Variants in TNFRSF13C observed in about 807,000 individuals in gnomAD.
TNFRSF13C encodes TNF receptor superfamily member 13C.
Under a neutral mutation model 12.1 loss-of-function variants are expected in TNFRSF13C, and 7 were observed. The ratio of observed to expected loss-of-function variants is 0.58; its 90% CI spans 0.33 to 1.08. TNFRSF13C has a LOEUF of 1.08. TNFRSF13C is among the 50% of genes least tolerant of loss of function. The pLI is 0.04. For missense variants in TNFRSF13C, 260 were observed against 265.9 expected (o/e 0.98, Z 0.15); for synonymous variants, 157 against 130.8 (o/e 1.20, Z -1.37).
rs2077627422 is a variant in TNFRSF13C, at chr22:41,926,023, T to C, written c.367+78A>G. 1.3e-6 allele frequency: 2 copies of C among 1,564,888 alleles called. No individual in the cohort carries two copies. The highest frequency in any genetic ancestry group is 1.7e-5 in the Admixed American group (1 of 58,310). On this transcript the variant is annotated intron_variant, in intron 2 of 2. Transcript: ENST00000291232. This position sits in a 1 kb window ranked among gnomAD's most constrained non-coding sequence, Gnocchi z 4.9. ...GCCCTTCTCTCCCCCTCAGGGGCCA[T>C]GCATCTCCCCCTAGACCGTCCCGAC...
chr22:41,923,505 C>G lies in TNFRSF13C; in HGVS notation c.*1862G>C, dbSNP rs541487427. 6.5e-6 allele frequency: 1 copy of G among 152,774 alleles called. No individual in the cohort carries two copies. The highest frequency in any genetic ancestry group is 1.5e-5 in the Non-Finnish European group (1 of 68,278). The allele number at this position is 152,774 out of a possible 1,614,324, so 9.5% of individuals were successfully genotyped here. ...GAGGAGGGAGCAGCTTCCACTGTGA[C>G]GGTGGGTGACCAGGGGGCTGGCACA... On this transcript the variant is annotated 3_prime_UTR_variant, in exon 3 of 3. Coordinates refer to ENST00000291232, the MANE Select transcript of TNFRSF13C (RefSeq NM_052945.4).
Position 41,925,254 on chromosome 22 carries a change from C to A in TNFRSF13C, c.*113G>T. The A allele has an allele frequency of 8.5e-7, 1 of 1,172,676 alleles. No homozygotes were observed. The highest frequency in any genetic ancestry group is 1.2e-6 in the Non-Finnish European group (1 of 849,154). 72.6% of individuals were successfully genotyped at this position (1,172,676 alleles called of 1,614,324 possible). On this transcript the variant is annotated 3_prime_UTR_variant, in exon 3 of 3. Transcript: ENST00000291232. ...GTGTCTGTGCTTCTGCAGAGTTAGC[C>A]TGGTCCCAGAAAGAGGGCATGTGCA...
Position 41,926,181 on chromosome 22 carries a change from ACCAGGACCAGCG to A in TNFRSF13C, c.275_286del (p.Ala92_Leu95del), listed in dbSNP as rs770676417. ...TCGCCGCCTCCAGCTCACCAGACCC[ACCAGGACCAGCG>A]CCAGGACCAGTGCCAGGCCCAGCAG... On this transcript the variant is annotated inframe_deletion, in exon 2 of 3. Coordinates refer to ENST00000291232, the MANE Select transcript of TNFRSF13C (RefSeq NM_052945.4). This position sits in a 1 kb window ranked among gnomAD's most constrained non-coding sequence, Gnocchi z 4.9. 54 of 1,610,100 alleles carry A rather than the reference ACCAGGACCAGCG, an allele frequency of 3.4e-5. No homozygotes were observed. The highest frequency in any genetic ancestry group is 4.5e-5 in the Non-Finnish European group (53 of 1,179,522).
At position 41,922,204 on chromosome 22, in the gene TNFRSF13C, C is replaced by T. The variant is rs2077609790; in HGVS notation, c.*3163G>A. The stretch of plus-strand genomic sequence containing the variant: ...TGGACACGGGTCATTTCTTCCCTGA[C>T]TACATCATGGATTCCGGTCCAGAAC... On this transcript the variant is annotated 3_prime_UTR_variant, in exon 3 of 3. Coordinates refer to ENST00000291232, the MANE Select transcript of TNFRSF13C (RefSeq NM_052945.4). 6.6e-6 allele frequency: 1 copy of T among 152,214 alleles called. No homozygotes were observed. Among genetic ancestry groups the T allele is most frequent in the African/African-American group, 2.4e-5 (1 of 41,442 alleles). The allele number at this position is 152,214 out of a possible 1,614,324, so 9.4% of individuals were successfully genotyped here.
rs2077609356 is a variant in TNFRSF13C at position 41,922,057 on chromosome 22, G to A, written c.*3310C>T. ...TTACCATGTTGAAAACTTTATTGTGGAGTCTCTAAAGAGAGAGAAACTTAC... is the reference window on the plus strand; with the variant it reads ...TTACCATGTTGAAAACTTTATTGTGAAGTCTCTAAAGAGAGAGAAACTTAC... On this transcript the variant is annotated 3_prime_UTR_variant, in exon 3 of 3. Transcript: ENST00000291232. 1 of 152,202 alleles carries A rather than the reference G, an allele frequency of 6.6e-6. No individual in the cohort carries two copies. The highest frequency in any genetic ancestry group is 2.4e-5 in the African/African-American group (1 of 41,436). The allele number at this position is 152,202 out of a possible 1,614,324, so 9.4% of individuals were successfully genotyped here. A position where few individuals can be genotyped will look rare whatever the true frequency, so the allele number is the denominator to read the frequency against.
Position 41,926,244 on chromosome 22 carries a change from G to T in TNFRSF13C, c.224C>A (p.Pro75His), listed in dbSNP as rs766314604. The T allele has an allele frequency of 5.2e-6, 8 of 1,548,416 alleles. No individual in the cohort carries two copies. The East Asian group carries it at 1.9e-4, about 37-fold the overall frequency. The change falls in exon 2 of 3, where the codon CCC becomes CAC. Residue 75 changes from proline (P) to histidine (H), a missense_variant. Transcript: ENST00000291232. The surrounding 1 kb of genome is among the most constrained non-coding windows in gnomAD (Gnocchi z 4.9). ...AGAGEAALPL[P>H]GLLFGAPALL... ...CGCGGGGGCGCCAAAGAGCAGCCCG[G>T]GCAGGGGCAGCGCCGCCTCGCCGGC...
chr22:41,925,584 C>G lies in TNFRSF13C; in HGVS notation c.368-30G>C, dbSNP rs369853653. On this transcript the variant is annotated intron_variant, in intron 2 of 2. Transcript: ENST00000291232. Reference sequence around the variant, plus strand: ...AGGCAGAGGGGGTAGAGGCTCCGTACTCAGTCACAGCCTTCCCTCCCTCCC... The same window carrying G: ...AGGCAGAGGGGGTAGAGGCTCCGTAGTCAGTCACAGCCTTCCCTCCCTCCC... 3.1e-6 allele frequency: 5 copies of G among 1,608,844 alleles called. No homozygotes were observed. The African/African-American group carries it at 6.7e-5, about 21-fold the overall frequency.
chr22:41,925,514 T>A lies in TNFRSF13C; in HGVS notation c.408A>T (p.Gly136=). The part of the protein sequence containing the change: ...PLDKVIILSP[G]ISDATAPAWP... The stretch of plus-strand genomic sequence containing the variant: ...AGGCAGGAGCTGTGGCATCAGAGAT[T>A]CCCGGAGACAGAATGATGACCTTGT... The change falls in exon 3 of 3, where the codon GGA becomes GGT. Residue 136 remains glycine (G), a synonymous_variant. Transcript: ENST00000291232. The A allele has an allele frequency of 6.2e-7, 1 of 1,613,368 alleles. No homozygotes were observed. The highest frequency in any genetic ancestry group is 8.5e-7 in the Non-Finnish European group (1 of 1,179,976).
rs779601121 is a variant in TNFRSF13C at position 41,924,429 on chromosome 22, A to C, written c.*938T>G. 1.3e-5 allele frequency: 2 copies of C among 150,478 alleles called. No individual in the cohort carries two copies. Among genetic ancestry groups the C allele is most frequent in the African/African-American group, 2.5e-5 (1 of 40,816 alleles). 9.3% of individuals were successfully genotyped at this position (150,478 alleles called of 1,614,324 possible). ...TGTGAACCCAGGAGGCGGAGCTTGA[A>C]GTGAGCCGAAATTGCGTCACTGCAC... On this transcript the variant is annotated 3_prime_UTR_variant, in exon 3 of 3. Transcript: ENST00000291232.
At position 41,926,702 on chromosome 22, in the gene TNFRSF13C, G is replaced by A; in HGVS notation, c.72C>T (p.Cys24=). 6.9e-7 allele frequency: 1 copy of A among 1,456,242 alleles called. No individual in the cohort carries two copies. Among genetic ancestry groups the A allele is most frequent in the South Asian group, 1.3e-5 (1 of 75,336 alleles). The allele number at this position is 1,456,242 out of a possible 1,614,324, so 90.2% of individuals were successfully genotyped here. A position where few individuals can be genotyped will look rare whatever the true frequency, so the allele number is the denominator to read the frequency against. The stretch of plus-strand genomic sequence containing the variant: ...CGCAGTGGCGGACCAGCAGGTCGAA[G>A]CACTCGGCCGGGACGCAGGGCGTGG... The part of the protein sequence containing the change: ...PAPTPCVPAE[C]FDLLVRHCVA... The change falls in exon 1 of 3, where the codon TGC becomes TGT. Residue 24 remains cysteine (C), a synonymous_variant. Coordinates refer to ENST00000291232, the MANE Select transcript of TNFRSF13C (RefSeq NM_052945.4). This position sits in a 1 kb window ranked among gnomAD's most constrained non-coding sequence, Gnocchi z 4.9.
At position 41,924,467 on chromosome 22, in the gene TNFRSF13C, G is replaced by A. The variant is rs1261508390; in HGVS notation, c.*900C>T. The stretch of plus-strand genomic sequence containing the variant: ...TGCGTCACTGCACTCCAGCCTAGGC[G>A]ACAGAGCGAGACTCTGTCTCAAAAA... On this transcript the variant is annotated 3_prime_UTR_variant, in exon 3 of 3. Coordinates refer to ENST00000291232, the MANE Select transcript of TNFRSF13C (RefSeq NM_052945.4). The A allele has an allele frequency of 2.9e-5, 4 of 139,052 alleles. No homozygotes were observed. Among genetic ancestry groups the A allele is most frequent in the African/African-American group, 8.2e-5 (3 of 36,378 alleles). 8.6% of individuals were successfully genotyped at this position (139,052 alleles called of 1,614,324 possible). A position where few individuals can be genotyped will look rare whatever the true frequency, so the allele number is the denominator to read the frequency against.
intron 2 of TNFRSF13C, among the ~76,000 whole-genome samples, chr22:41,925,854 CTG>C (rs1472000966): frequency 6.6e-6 from 1 of 152,178 alleles, no homozygotes; most frequent in East Asian, 1.9e-4. Context: ...TTCCTGCAAC[CTG>C]TCTCTTCCTC....
Position 41,926,183 on chromosome 22 carries a change from C to T in TNFRSF13C, c.285G>A (p.Leu95=), listed in dbSNP as rs1301568889. Residue 95 remains leucine, a synonymous_variant, in exon 2 of 3, where the codon CTG becomes CTA. Coordinates refer to ENST00000291232, the MANE Select transcript of TNFRSF13C (RefSeq NM_052945.4). The surrounding 1 kb of genome is among the most constrained non-coding windows in gnomAD (Gnocchi z 4.9). ...GCCGCCTCCAGCTCACCAGACCCAC[C>T]AGGACCAGCGCCAGGACCAGTGCCA... ...LGLALVLALV[L]VGLVSWRRRQ... The T allele has an allele frequency of 9.9e-6, 16 of 1,610,010 alleles. No homozygotes were observed. In the East Asian group the frequency reaches 3.6e-4, roughly 36 times the overall value.
rs2077613572 is a variant in TNFRSF13C, at chr22:41,923,111, C to T, written c.*2256G>A. 6.5e-6 allele frequency: 1 copy of T among 154,322 alleles called. No homozygotes were observed. Among genetic ancestry groups the T allele is most frequent in the Non-Finnish European group, 1.5e-5 (1 of 68,494 alleles). The allele number at this position is 154,322 out of a possible 1,614,324, so 9.6% of individuals were successfully genotyped here. A position where few individuals can be genotyped will look rare whatever the true frequency, so the allele number is the denominator to read the frequency against. ...CAACAGGTCCTTGGGACAGGAAGCACTGAGTCCAGAGGCCTGGCAAGGGAC... is the reference window on the plus strand; with the variant it reads ...CAACAGGTCCTTGGGACAGGAAGCATTGAGTCCAGAGGCCTGGCAAGGGAC... On this transcript the variant is annotated 3_prime_UTR_variant, in exon 3 of 3. Coordinates refer to ENST00000291232, the MANE Select transcript of TNFRSF13C (RefSeq NM_052945.4).
Position 41,926,548 on chromosome 22 carries a change from C to G in TNFRSF13C, c.136+90G>C. Reference sequence around the variant, plus strand: ...GGGTCCTTTCAGCCCTCGGCGCCCCCGGGGGTCGGGGCTCTGCCTGCGCCC... The same window carrying G: ...GGGTCCTTTCAGCCCTCGGCGCCCCGGGGGGTCGGGGCTCTGCCTGCGCCC... On this transcript the variant is annotated intron_variant, in intron 1 of 2. Transcript: ENST00000291232. This position sits in a 1 kb window ranked among gnomAD's most constrained non-coding sequence, Gnocchi z 4.9. 5 of 1,314,464 alleles carry G rather than the reference C, an allele frequency of 3.8e-6. No homozygotes were observed. The highest frequency in any genetic ancestry group is 3.9e-6 in the Non-Finnish European group (4 of 1,033,648). The allele number at this position is 1,314,464 out of a possible 1,614,324, so 81.4% of individuals were successfully genotyped here. A position where few individuals can be genotyped will look rare whatever the true frequency, so the allele number is the denominator to read the frequency against.
At position 41,925,347 on chromosome 22, in the gene TNFRSF13C, C is replaced by G; in HGVS notation, c.*20G>C. 1.3e-6 allele frequency: 2 copies of G among 1,590,388 alleles called. No individual in the cohort carries two copies. The highest frequency in any genetic ancestry group is 1.7e-6 in the Non-Finnish European group (2 of 1,171,896). On this transcript the variant is annotated 3_prime_UTR_variant, in exon 3 of 3. Transcript: ENST00000291232. Reference sequence around the variant, plus strand: ...GGGGGTCCAGAGGGAGGGCAGGGGCCACCTCCTGCCGGCTCCCTGCTATTG... The same window carrying G: ...GGGGGTCCAGAGGGAGGGCAGGGGCGACCTCCTGCCGGCTCCCTGCTATTG...
intron 2 of TNFRSF13C, among the ~76,000 whole-genome samples, 154 bp downstream of exon 2, chr22:41,925,947 T>C (rs2146588939): frequency 6.6e-6 from 1 of 152,330 alleles, no homozygotes; most frequent in South Asian, 2.1e-4. Flanking sequence ...CTCCCCAGCC[T>C]GAGCTCCTCA....
chr22:41,922,599 C>T lies in TNFRSF13C; in HGVS notation c.*2768G>A. 6.6e-6 allele frequency: 1 copy of T among 151,732 alleles called. No homozygotes were observed. The highest frequency in any genetic ancestry group is 2.1e-4 in the South Asian group (1 of 4,812). The allele number at this position is 151,732 out of a possible 1,614,324, so 9.4% of individuals were successfully genotyped here. Reference sequence around the variant, plus strand: ...GGGTTTCACCCACCCTCGGGGTTTTCACCTGCTGAGCTAACCCTGGCTGTA... The same window carrying T: ...GGGTTTCACCCACCCTCGGGGTTTTTACCTGCTGAGCTAACCCTGGCTGTA... On this transcript the variant is annotated 3_prime_UTR_variant, in exon 3 of 3. Transcript: ENST00000291232.
rs972912185 is a variant in TNFRSF13C at position 41,922,276 on chromosome 22, A to C, written c.*3091T>G. On this transcript the variant is annotated 3_prime_UTR_variant, in exon 3 of 3. Coordinates refer to ENST00000291232, the MANE Select transcript of TNFRSF13C (RefSeq NM_052945.4). ...CCTATCTTCATTTTTTTCACAAAAA[A>C]AAATTTAAACAAACACAAACACCCC... 2.0e-5 allele frequency: 3 copies of C among 152,210 alleles called. No homozygotes were observed. The highest frequency in any genetic ancestry group is 1.3e-4 in the Admixed American group (2 of 15,272). 9.4% of individuals were successfully genotyped at this position (152,210 alleles called of 1,614,324 possible). A position where few individuals can be genotyped will look rare whatever the true frequency, so the allele number is the denominator to read the frequency against.
Sources: gnomAD v4.1 joint callset for allele counts (sites outside exome capture counted in the v4.1 genomes callset) on GRCh38, gnomAD v4.1.1 for gene constraint, Gnocchi (gnomAD v3.1) non-coding constraint, MANE v1.5 for transcripts, NCBI Gene and HGNC (gene_info 2026-07-23, HGNC 2026-07-21) for gene names.